The following NSUN6 variants were observed in gnomAD, a reference collection of about 807,000 sequenced individuals.
NSUN6 encodes NOP2/Sun RNA methyltransferase 6.
In NSUN6, 64 loss-of-function variants were observed where a neutral mutation model predicts 58.0. The observed-to-expected ratio is 1.10, with a 90% CI of 0.90 to 1.36. The LOEUF is 1.36. Among genes scored for constraint, NSUN6 ranks in the 40% most tolerant of loss-of-function variants. The probability of loss-of-function intolerance (pLI) is 0.00; values close to 1 mark genes in which losing one functional copy is unlikely to be tolerated. For synonymous variants in NSUN6, 231 were observed against 193.9 expected, an observed-to-expected ratio of 1.19 and a Z score of -1.59; for missense variants, 701 against 550.1, an observed-to-expected ratio of 1.27 and a Z score of -2.74.
chr10:18,630,444 C>CA (rs1292855691), intron 3 of NSUN6, among the ~76,000 whole-genome samples: 4 of 151,910 alleles, frequency 2.6e-5, no homozygotes, highest in African/African-American at 4.8e-5. Flanking sequence ...AAAAATGCTT[C>CA]AAAAAATCAA....
At chr10:18,641,655 T>G (rs1230241019) in intron 3 of NSUN6, among the ~76,000 whole-genome samples, 2 of 141,886 alleles carry the variant, frequency 1.4e-5, no homozygotes, top group African/African-American at 5.3e-5. Context: ...CAGGAATAAG[T>G]AAGCCACCAG....
chr10:18,643,163 GTATT>G (rs778984121), intron 2 of NSUN6, among the ~76,000 whole-genome samples: 85 of 151,860 alleles, frequency 5.6e-4, no homozygotes, highest in Non-Finnish European at 1.1e-3. Context: ...AACATGGTGA[GTATT>G]TATACCACAG....
At chr10:18,586,798 C>A (rs1019279743) in intron 7 of NSUN6, among the ~76,000 whole-genome samples, 3 of 152,178 alleles carry the variant, frequency 2.0e-5, no homozygotes, top group Non-Finnish European at 4.4e-5. Context: ...GCTCTGGTGG[C>A]CAGCTTTTAT....
chr10:18,588,573 G>A (rs1037417004), intron 7 of NSUN6, among the ~76,000 whole-genome samples: 2 of 152,198 alleles, frequency 1.3e-5, no homozygotes, highest in Admixed American at 6.5e-5. Context: ...GAAGCTTCCA[G>A]AGGAAGGAAC....
At chr10:18,620,856 A>G (rs2058580652) in intron 3 of NSUN6, among the ~76,000 whole-genome samples, 1 of 152,226 alleles carries the variant, frequency 6.6e-6, no homozygotes. Context: ...TCTCACATAT[A>G]GCACAAATTC....
chr10:18,563,560 T>A (rs1027346379), intron 8 of NSUN6, among the ~76,000 whole-genome samples: 4 of 151,014 alleles, frequency 2.6e-5, no homozygotes, highest in Non-Finnish European at 5.9e-5. Context: ...GAAAGTGGAA[T>A]GGAATATTCT....
At chr10:18,627,808 T>G (rs1038709212) in intron 3 of NSUN6, among the ~76,000 whole-genome samples, 1 of 152,188 alleles carries the variant, frequency 6.6e-6, no homozygotes, top group Non-Finnish European at 1.5e-5. Flanking sequence ...GATCAAACTG[T>G]AAGGCGGCAG....
At chr10:18,643,539 C>T (rs1373444219) in intron 2 of NSUN6, among the ~76,000 whole-genome samples, 1 of 152,126 alleles carries the variant, frequency 6.6e-6, no homozygotes, top group Non-Finnish European at 1.5e-5. Context: ...AATAATCGTG[C>T]ATATTTTAGA....
chr10:18,631,851 T>C (rs2059042395), intron 3 of NSUN6, among the ~76,000 whole-genome samples: 1 of 152,236 alleles, frequency 6.6e-6, no homozygotes, highest in African/African-American at 2.4e-5. Context: ...GTAGATTCAA[T>C]GCCATCCCCA....
chr10:18,578,499 AT>A (rs2056765889), intron 8 of NSUN6, among the ~76,000 whole-genome samples: 1 of 151,802 alleles, frequency 6.6e-6, no homozygotes, highest in African/African-American at 2.4e-5. Flanking sequence ...CCTTCCTGTC[AT>A]TTCTCTGGCT....
At chr10:18,560,659 G>C (rs1216601416) in intron 8 of NSUN6, among the ~76,000 whole-genome samples, 1 of 133,930 alleles carries the variant, frequency 7.5e-6, no homozygotes, top group South Asian at 2.6e-4. Context: ...GAATGGAATG[G>C]AGAATGGAGA....
chr10:18,558,619 GTGGAGAATGGAA>G (rs1257971384), intron 8 of NSUN6, among the ~76,000 whole-genome samples: 3 of 150,540 alleles, frequency 2.0e-5, no homozygotes, highest in Non-Finnish European at 3.0e-5. Flanking sequence ...ACAGAATGGC[GTGGAGAATGGAA>G]TGGAGAATGG....
chr10:18,559,155 AGAATG>A (rs1021083915), intron 8 of NSUN6, among the ~76,000 whole-genome samples: 1 of 149,096 alleles, frequency 6.7e-6, no homozygotes, highest in African/African-American at 2.5e-5. Context: ...AATGGAATGC[AGAATG>A]GAATGGAATG....
intron 7 of NSUN6, among the ~76,000 whole-genome samples, chr10:18,591,295 A>C (rs2057368667): frequency 6.6e-6 from 1 of 152,176 alleles, no homozygotes; most frequent in Admixed American, 6.6e-5. Context: ...GCAAAATTCT[A>C]CCAGAGGTAC....
chr10:18,655,028 G>C, upstream of NSUN6: 1 of 972,470 alleles, frequency 1.0e-6, no homozygotes. Context: ...ACCTTACCGA[G>C]AACTTCCCAT....
chr10:18,552,707 C>G (rs1013249038), intron 8 of NSUN6, among the ~76,000 whole-genome samples: 3 of 151,080 alleles, frequency 2.0e-5, no homozygotes, highest in Admixed American at 6.6e-5. Flanking sequence ...CCATTCCATT[C>G]TGCGTTCCAT....
chr10:18,559,648 A>C (rs2055328761), intron 8 of NSUN6, among the ~76,000 whole-genome samples: 1 of 150,494 alleles, frequency 6.6e-6, no homozygotes, highest in East Asian at 2.0e-4. Context: ...GGAATTAAGA[A>C]TCTTACGGAG....
chr10:18,604,232 G>A (rs2057962351), intron 6 of NSUN6, among the ~76,000 whole-genome samples: 1 of 152,126 alleles, frequency 6.6e-6, no homozygotes, highest in Admixed American at 6.5e-5. Flanking sequence ...TAGATGACAG[G>A]TGAGATAGAG....
chr10:18,627,353 A>G (rs997886351), intron 3 of NSUN6, among the ~76,000 whole-genome samples: 27 of 152,220 alleles, frequency 1.8e-4, no homozygotes, highest in Non-Finnish European at 3.2e-4. Flanking sequence ...CAGAGGAAGA[A>G]AACACCCTTT....
Sources: gnomAD v4.1 joint callset for allele counts (sites outside exome capture counted in the v4.1 genomes callset) on GRCh38, gnomAD v4.1.1 for gene constraint, MANE v1.5 for transcripts, NCBI Gene and HGNC (gene_info 2026-07-23, HGNC 2026-07-21) for gene names.